SHROOM3: variants seen among roughly 807,000 people sequenced by gnomAD.
SHROOM3 encodes protein Shroom3.
SHROOM3 carries 47 observed loss-of-function variants against 138.6 expected under a neutral mutation model. The ratio of observed to expected loss-of-function variants is 0.34; its 90% CI spans 0.27 to 0.43. SHROOM3 has a LOEUF of 0.43. Among genes scored for constraint, SHROOM3 ranks in the 20% least tolerant of loss-of-function variants. The probability of loss-of-function intolerance (pLI) is 1.00; values close to 1 mark genes in which losing one functional copy is unlikely to be tolerated. For missense variants in SHROOM3, 2,491 were observed against 2,596.5 expected (o/e 0.96, Z 0.88); for synonymous variants, 1,062 against 1,063.3 (o/e 1.00, Z 0.02).
intron 1 of SHROOM3, among the ~76,000 whole-genome samples, chr4:76,463,784 T>G (rs1215094525): frequency 6.6e-6 from 1 of 152,222 alleles, no homozygotes; most frequent in Non-Finnish European, 1.5e-5. Context: ...GGCCATTATT[T>G]CAGAGACTGC....
At chr4:76,774,504 C>G (rs966366237) in intron 10 of SHROOM3, among the ~76,000 whole-genome samples, 3 of 151,530 alleles carry the variant, frequency 2.0e-5, no homozygotes, top group Non-Finnish European at 4.4e-5. Flanking sequence ...TAATCTGCAG[C>G]CAATATGAAA....
At chr4:76,482,500 AAG>A (rs1251272408) in intron 1 of SHROOM3, among the ~76,000 whole-genome samples, 2 of 151,946 alleles carry the variant, frequency 1.3e-5, no homozygotes, top group African/African-American at 4.8e-5. Context: ...TCAAGGAAAT[AAG>A]AGAGGACAAA....
Position 76,664,682 on chromosome 4 carries a change from C to T in SHROOM3, c.324-45474C>T, listed in dbSNP as rs1334525328. On this transcript the variant is annotated intron_variant, in intron 2 of 10. Transcript: ENST00000296043. This position sits in a 1 kb window ranked among gnomAD's most constrained non-coding sequence, Gnocchi z 4.2. ...CATACATTAAATTTGTCATCTTAAC[C>T]AGTTTTAAGTGTATAGGTCAATAAT... Among the ~76,000 whole-genome samples, 1 of 152,150 alleles carries T rather than the reference C, an allele frequency of 6.6e-6. No individual in the cohort carries two copies.
intron 2 of SHROOM3, among the ~76,000 whole-genome samples, chr4:76,692,378 G>A (rs1368555090): frequency 2.0e-5 from 3 of 152,212 alleles, no homozygotes; most frequent in Non-Finnish European, 2.9e-5. Context: ...TCAGGAACTC[G>A]TCTTATAAGA....
chr4:76,748,858 G>GC (rs1370324004), intron 5 of SHROOM3, among the ~76,000 whole-genome samples, 159 bp from the exon 6 acceptor site: 1 of 129,936 alleles, frequency 7.7e-6, no homozygotes, highest in Non-Finnish European at 1.5e-5. Context: ...CTTATCTCCT[G>GC]CATCGATGCC....
At chr4:76,446,011 G>A (rs1236698621) in intron 1 of SHROOM3, among the ~76,000 whole-genome samples, 1 of 152,010 alleles carries the variant, frequency 6.6e-6, no homozygotes, top group East Asian at 1.9e-4. Flanking sequence ...CATAACTCTT[G>A]ATCTCTTGGG....
intron 9 of SHROOM3, among the ~76,000 whole-genome samples, chr4:76,764,449 C>T (rs970010715): frequency 6.6e-6 from 1 of 152,246 alleles, no homozygotes; most frequent in African/African-American, 2.4e-5. Flanking sequence ...TGGTTCTCAG[C>T]TGCCCATTCC....
At chr4:76,646,297 G>A (rs1735820572) in intron 2 of SHROOM3, among the ~76,000 whole-genome samples, 1 of 146,010 alleles carries the variant, frequency 6.8e-6, no homozygotes, top group South Asian at 2.2e-4. Context: ...CTTCTTTATG[G>A]TAACTCCATA....
chr4:76,462,772 C>G (rs1419874394), intron 1 of SHROOM3, among the ~76,000 whole-genome samples: 2 of 151,762 alleles, frequency 1.3e-5, no homozygotes, highest in African/African-American at 2.4e-5. Context: ...CTCTCTCCCT[C>G]TCCTGCTCTG....
chr4:76,522,702 C>T (rs1425983763), intron 1 of SHROOM3, among the ~76,000 whole-genome samples: 6 of 152,066 alleles, frequency 3.9e-5, no homozygotes, highest in Non-Finnish European at 5.9e-5. Context: ...ACAGGAGAAT[C>T]GCTTGAACCT....
chr4:76,693,233 TATA>T (rs1719607956), intron 2 of SHROOM3, among the ~76,000 whole-genome samples: 1 of 152,208 alleles, frequency 6.6e-6, no homozygotes, highest in South Asian at 2.1e-4. Flanking sequence ...CTGTGATAAA[TATA>T]ATATGTGATT....
chr4:76,469,141 C>T (rs534784145), intron 1 of SHROOM3, among the ~76,000 whole-genome samples: 1 of 151,988 alleles, frequency 6.6e-6, no homozygotes, highest in South Asian at 2.1e-4. Context: ...GGCGGAATTG[C>T]AGTGAACCAA....
intron 2 of SHROOM3, among the ~76,000 whole-genome samples, chr4:76,575,330 A>G (rs532996475): frequency 7.9e-5 from 12 of 152,338 alleles, no homozygotes; most frequent in African/African-American, 2.9e-4. Flanking sequence ...ACTGGTATTC[A>G]ACATAGTACT....
At chr4:76,442,196 A>G (rs1349372428) in intron 1 of SHROOM3, among the ~76,000 whole-genome samples, 1 of 152,218 alleles carries the variant, frequency 6.6e-6, no homozygotes, top group Non-Finnish European at 1.5e-5. Flanking sequence ...TGCTTAATAA[A>G]TGTTAAATGA....
At chr4:76,749,271 A>T (rs1004952144) in intron 6 of SHROOM3, among the ~76,000 whole-genome samples, 181 bp downstream of exon 6, 1 of 152,086 alleles carries the variant, frequency 6.6e-6, no homozygotes, top group Non-Finnish European at 1.5e-5. Flanking sequence ...GTTTTAGGGT[A>T]CATGTGCACA....
Position 76,739,139 on chromosome 4 carries a change from G to A in SHROOM3, c.966G>A (p.Glu322=), listed in dbSNP as rs777319771. 11 of 1,614,072 alleles carry A rather than the reference G, an allele frequency of 6.8e-6. No homozygotes were observed. In the South Asian group the frequency reaches 1.1e-4, roughly 16 times the overall value. The part of the protein sequence containing the change: ...DTRRGVSAEY[E]VNSSALLLQG... ...GGAGGGGAGTCTCAGCAGAGTATGA[G>A]GTGAACTCTTCAGCCCTGCTGCTTC... Residue 322 remains glutamate, a synonymous_variant, in exon 5 of 11, where the codon GAG becomes GAA. Transcript: ENST00000296043.
chr4:76,633,458 C>A (rs1735391499), intron 2 of SHROOM3, among the ~76,000 whole-genome samples: 1 of 151,710 alleles, frequency 6.6e-6, no homozygotes, highest in African/African-American at 2.4e-5. Context: ...AGATCGAGAC[C>A]ATTCTGACTA....
Position 76,741,631 on chromosome 4 carries a change from C to A in SHROOM3, c.3458C>A (p.Ala1153Asp). 6.5e-7 allele frequency: 1 copy of A among 1,542,720 alleles called. No individual in the cohort carries two copies. The highest frequency in any genetic ancestry group is 2.4e-5 in the East Asian group (1 of 41,286). The change falls in exon 5 of 11, where the codon GCC becomes GAC. Residue 1153 changes from alanine to aspartate, a missense_variant. Ala to Asp is a moderately radical substitution (Grantham distance 126, BLOSUM62 -2). Transcript: ENST00000296043. This position sits in a 1 kb window ranked among gnomAD's most constrained non-coding sequence, Gnocchi z 6.2. Reference sequence around the variant, plus strand: ...CCCAGCCTGCAGCCCCGCAGGGAGGCCACGCTCCTGCCGGCCACAGTTGCA... The same window carrying A: ...CCCAGCCTGCAGCCCCGCAGGGAGGACACGCTCCTGCCGGCCACAGTTGCA... ...REPSLQPRRE[A>D]TLLPATVAET... is the part of the protein sequence containing the mutation.
chr4:76,635,252 A>C (rs1243958781), intron 2 of SHROOM3, among the ~76,000 whole-genome samples: 4 of 152,204 alleles, frequency 2.6e-5, no homozygotes, highest in Non-Finnish European at 5.9e-5. Context: ...GCCATTACAT[A>C]GTAGCTCCAG....
Sources: allele counts gnomAD v4.1 joint callset (sites outside exome capture counted in the v4.1 genomes callset), GRCh38; gene constraint gnomAD v4.1.1; non-coding constraint Gnocchi (gnomAD v3.1); transcripts MANE v1.5; gene names NCBI Gene and HGNC (gene_info 2026-07-23, HGNC 2026-07-21).